The following NKAIN2 variants were observed in gnomAD, a reference collection of about 807,000 sequenced individuals.
NKAIN2 encodes sodium/potassium-transporting ATPase subunit beta-1-interacting protein 2.
NKAIN2 carries 14 observed loss-of-function variants against 32.6 expected under a neutral mutation model. The ratio of observed to expected loss-of-function variants is 0.43; its 90% CI spans 0.28 to 0.67. The LOEUF (loss-of-function observed/expected upper bound fraction) is 0.67, where lower values mean the gene tolerates loss of function less well. Ranked by LOEUF, NKAIN2 falls within the 30% of genes least tolerant of loss-of-function variation. The pLI is 0.17. For synonymous variants in NKAIN2, 80 were observed against 87.2 expected, an observed-to-expected ratio of 0.92 and a Z score of 0.46; for missense variants, 198 against 258.3, an observed-to-expected ratio of 0.77 and a Z score of 1.60.
At chr6:124,809,253 C>A in intron 5 of NKAIN2, among the ~76,000 whole-genome samples, 1 of 151,042 alleles carries the variant, frequency 6.6e-6, no homozygotes, top group Non-Finnish European at 1.5e-5. Context: ...CTACAGTAAC[C>A]AAAACAGCAT....
chr6:123,934,420 T>TC (rs1420891362), intron 1 of NKAIN2, among the ~76,000 whole-genome samples: 1 of 152,098 alleles, frequency 6.6e-6, no homozygotes, highest in African/African-American at 2.4e-5. Context: ...TCTAAAACCT[T>TC]CCCCCACTAC....
intron 1 of NKAIN2, among the ~76,000 whole-genome samples, chr6:123,808,700 C>G (rs1773326497): frequency 6.6e-6 from 1 of 152,094 alleles, no homozygotes; most frequent in Non-Finnish European, 1.5e-5. Flanking sequence ...ATTTTTTCTG[C>G]AGAGTGCCAG....
At chr6:124,089,259 A>T (rs970983321) in intron 1 of NKAIN2, among the ~76,000 whole-genome samples, 23 of 151,792 alleles carry the variant, frequency 1.5e-4, no homozygotes, top group African/African-American at 5.1e-4. Flanking sequence ...TGAACAAGCC[A>T]TAATTCTACC....
chr6:123,957,879 C>T (rs528169091), intron 1 of NKAIN2, among the ~76,000 whole-genome samples: 74 of 152,198 alleles, frequency 4.9e-4, no homozygotes, highest in African/African-American at 1.7e-3. Context: ...GTTTTTATTA[C>T]ATGATACATT....
At chr6:124,185,919 A>G (rs1162352780) in intron 1 of NKAIN2, among the ~76,000 whole-genome samples, 1 of 152,126 alleles carries the variant, frequency 6.6e-6, no homozygotes, top group Non-Finnish European at 1.5e-5. Flanking sequence ...TAATTTTGTT[A>G]GAAGACAAAA....
At chr6:124,089,450 TA>T (rs1444393664) in intron 1 of NKAIN2, among the ~76,000 whole-genome samples, 1 of 151,936 alleles carries the variant, frequency 6.6e-6, no homozygotes, top group Non-Finnish European at 1.5e-5. Context: ...TTTGATTTTG[TA>T]AACCTTGCTA....
chr6:124,160,169 G>A (rs552887658), intron 1 of NKAIN2, among the ~76,000 whole-genome samples: 3 of 152,084 alleles, frequency 2.0e-5, no homozygotes, highest in Non-Finnish European at 2.9e-5. Flanking sequence ...TGGGTGAGGC[G>A]ATCTACAGTG....
chr6:124,648,491 G>A (rs186388333), intron 3 of NKAIN2, among the ~76,000 whole-genome samples: 56 of 152,218 alleles, frequency 3.7e-4, no homozygotes, highest in Admixed American at 2.4e-3. Flanking sequence ...AAGTTTAGTC[G>A]AGCTGATAGG....
chr6:124,707,686 T>C (rs911742814), intron 4 of NKAIN2, among the ~76,000 whole-genome samples: 2 of 151,400 alleles, frequency 1.3e-5, no homozygotes, highest in Non-Finnish European at 2.9e-5. Context: ...TTTGATGGGG[T>C]TGTTTGTTTT....
chr6:124,308,959 A>T (rs1199542206), intron 2 of NKAIN2, among the ~76,000 whole-genome samples: 1 of 152,204 alleles, frequency 6.6e-6, no homozygotes, highest in Non-Finnish European at 1.5e-5. Flanking sequence ...AAAAGTAAAG[A>T]TTATTACAGA....
intron 4 of NKAIN2, among the ~76,000 whole-genome samples, chr6:124,745,765 G>T (rs1350574950): frequency 6.6e-6 from 1 of 151,768 alleles, no homozygotes; most frequent in Non-Finnish European, 1.5e-5. Flanking sequence ...ATGTTTCAAA[G>T]ATCAGACATA....
intron 2 of NKAIN2, among the ~76,000 whole-genome samples, chr6:124,328,870 G>A (rs1797532489): frequency 6.6e-6 from 1 of 152,154 alleles, no homozygotes; most frequent in Non-Finnish European, 1.5e-5. Flanking sequence ...CTAAAGGGGA[G>A]ATGTGACTGG....
intron 1 of NKAIN2, among the ~76,000 whole-genome samples, chr6:124,264,074 G>A (rs1582950275): frequency 6.6e-6 from 1 of 152,148 alleles, no homozygotes; most frequent in Non-Finnish European, 1.5e-5. Flanking sequence ...GACTTCCCCA[G>A]CTCATATGGG....
intron 3 of NKAIN2, among the ~76,000 whole-genome samples, chr6:124,620,047 G>A (rs969040519): frequency 6.6e-6 from 1 of 152,044 alleles, no homozygotes; most frequent in Admixed American, 6.6e-5. Flanking sequence ...AAGCTACCTG[G>A]CTCATTATAG....
chr6:124,471,016 G>A (rs1037669197), intron 3 of NKAIN2, among the ~76,000 whole-genome samples: 1 of 152,004 alleles, frequency 6.6e-6, no homozygotes, highest in Non-Finnish European at 1.5e-5. Context: ...GTTGTCTATG[G>A]CTTCCCTTTG....
At chr6:124,604,183 C>G (rs1225056520) in intron 3 of NKAIN2, among the ~76,000 whole-genome samples, 1 of 151,966 alleles carries the variant, frequency 6.6e-6, no homozygotes. Flanking sequence ...TTAGAAACTC[C>G]TGGACAAGGC....
intron 4 of NKAIN2, among the ~76,000 whole-genome samples, chr6:124,761,410 G>A (rs1001111113): frequency 6.6e-6 from 1 of 151,990 alleles, no homozygotes; most frequent in Non-Finnish European, 1.5e-5. Flanking sequence ...TATCTCTAAG[G>A]CTCTCTGCCA....
chr6:124,339,557 T>C (rs1487988234), intron 2 of NKAIN2, among the ~76,000 whole-genome samples: 1 of 152,134 alleles, frequency 6.6e-6, no homozygotes, highest in Non-Finnish European at 1.5e-5. Flanking sequence ...TTCAACCCCC[T>C]CTCTGCTCTA....
At chr6:123,912,536 T>C (rs1305287475) in intron 1 of NKAIN2, among the ~76,000 whole-genome samples, 1 of 152,230 alleles carries the variant, frequency 6.6e-6, no homozygotes, top group Non-Finnish European at 1.5e-5. Context: ...TAAATGACAC[T>C]GTATTGACCT....
Sources: gnomAD v4.1 joint callset for allele counts (sites outside exome capture counted in the v4.1 genomes callset) on GRCh38, gnomAD v4.1.1 for gene constraint, MANE v1.5 for transcripts, NCBI Gene and HGNC (gene_info 2026-07-23, HGNC 2026-07-21) for gene names.